Variants in PDE3A observed in about 807,000 individuals in gnomAD.
The protein encoded by PDE3A is cGMP-inhibited 3',5'-cyclic phosphodiesterase 3A.
PDE3A carries 43 observed loss-of-function variants against 98.3 expected under a neutral mutation model. The ratio of observed to expected loss-of-function variants is 0.44; its 90% confidence interval spans 0.34 to 0.56. PDE3A has a LOEUF of 0.56. Ranked by LOEUF, PDE3A falls within the 20% of genes least tolerant of loss-of-function variation. PDE3A has a pLI of 0.01. For synonymous variants in PDE3A, 663 were observed against 567.9 expected, an observed-to-expected ratio of 1.17 and a Z score of -2.38; for missense variants, 1,427 against 1,440.7, an observed-to-expected ratio of 0.99 and a Z score of 0.15.
intron 5 of PDE3A, among the ~76,000 whole-genome samples, chr12:20,628,260 T>G (rs1182446333): frequency 6.6e-6 from 1 of 152,216 alleles, no homozygotes; most frequent in African/African-American, 2.4e-5. Context: ...ACTGGGAAAT[T>G]CTGAGTTAAA....
chr12:20,383,688 G>A (rs1943698920), intron 1 of PDE3A, among the ~76,000 whole-genome samples: 1 of 151,936 alleles, frequency 6.6e-6, no homozygotes, highest in Non-Finnish European at 1.5e-5. Flanking sequence ...TCTGCCTGGA[G>A]TGGTCATCTC....
intron 5 of PDE3A, among the ~76,000 whole-genome samples, chr12:20,626,009 A>C (rs1944253400): frequency 6.6e-6 from 1 of 152,014 alleles, no homozygotes; most frequent in South Asian, 2.1e-4. Flanking sequence ...GTTTATCGGA[A>C]TCTCTTCACT....
chr12:20,479,040 C>A (rs1207146941), intron 1 of PDE3A, among the ~76,000 whole-genome samples: 1 of 152,128 alleles, frequency 6.6e-6, no homozygotes, highest in Non-Finnish European at 1.5e-5. Context: ...TATGGCCAGG[C>A]TTCTTATCTC....
chr12:20,509,066 T>C (rs1020364252), intron 1 of PDE3A, among the ~76,000 whole-genome samples: 1 of 152,060 alleles, frequency 6.6e-6, no homozygotes, highest in African/African-American at 2.4e-5. Flanking sequence ...GCCCTTCTTA[T>C]GCTGGATTTG....
At chr12:20,503,492 A>C (rs1011816768) in intron 1 of PDE3A, among the ~76,000 whole-genome samples, 1 of 152,084 alleles carries the variant, frequency 6.6e-6, no homozygotes, top group Non-Finnish European at 1.5e-5. Context: ...TTCTATCCAC[A>C]ATAGAAAAAT....
chr12:20,410,485 C>G (rs184235843), intron 1 of PDE3A, among the ~76,000 whole-genome samples: 22 of 152,286 alleles, frequency 1.4e-4, no homozygotes, highest in Admixed American at 1.2e-3. Context: ...TTTCATGATT[C>G]TTACTCTACT....
chr12:20,482,296 A>G (rs976597022), intron 1 of PDE3A, among the ~76,000 whole-genome samples: 4 of 152,084 alleles, frequency 2.6e-5, no homozygotes, highest in Admixed American at 6.5e-5. Flanking sequence ...TAGGAACACA[A>G]ATATTTTTGT....
chr12:20,436,762 G>C (rs10770659), intron 1 of PDE3A, among the ~76,000 whole-genome samples: 87,418 of 151,958 alleles, frequency 0.58, 27,231 homozygotes, highest in East Asian at 0.74. Context: ...GAGAGCAAGG[G>C]AGGCTTAAAT....
chr12:20,503,493 A>G (rs997764935), intron 1 of PDE3A, among the ~76,000 whole-genome samples: 6 of 152,112 alleles, frequency 3.9e-5, no homozygotes, highest in Non-Finnish European at 7.4e-5. Flanking sequence ...TCTATCCACA[A>G]TAGAAAAATT....
At chr12:20,375,362 T>C (rs1237407535) in intron 1 of PDE3A, among the ~76,000 whole-genome samples, 1 of 151,998 alleles carries the variant, frequency 6.6e-6, no homozygotes, top group Non-Finnish European at 1.5e-5. Context: ...GTTTGTTTTT[T>C]TAGTAAGGCT....
At chr12:20,520,654 A>G (rs922192079) in intron 1 of PDE3A, among the ~76,000 whole-genome samples, 4 of 152,214 alleles carry the variant, frequency 2.6e-5, no homozygotes, top group Admixed American at 2.0e-4. Flanking sequence ...AACAGATCAC[A>G]TTGCCAAATG....
intron 1 of PDE3A, among the ~76,000 whole-genome samples, chr12:20,422,472 G>A (rs1944535587): frequency 1.3e-5 from 2 of 152,106 alleles, no homozygotes; most frequent in South Asian, 4.1e-4. Flanking sequence ...ATATGAAGTT[G>A]AGGTCATATA....
At chr12:20,647,683 A>G (rs1358869069) in intron 12 of PDE3A, among the ~76,000 whole-genome samples, 2 of 152,046 alleles carry the variant, frequency 1.3e-5, no homozygotes, top group African/African-American at 4.8e-5. Flanking sequence ...TGCCTCTTCT[A>G]TCCCATTGCT....
chr12:20,411,931 A>G (rs1364839442), intron 1 of PDE3A, among the ~76,000 whole-genome samples: 1 of 132,106 alleles, frequency 7.6e-6, no homozygotes, highest in Non-Finnish European at 1.7e-5. Flanking sequence ...TTTCAATTTT[A>G]TAGTCATTTA....
chr12:20,428,750 A>G (rs1363369338), intron 1 of PDE3A, among the ~76,000 whole-genome samples: 1 of 152,232 alleles, frequency 6.6e-6, no homozygotes, highest in African/African-American at 2.4e-5. Flanking sequence ...CTGGTATAAT[A>G]GTTATGACAA....
At chr12:20,618,074 A>ACAT (rs752211410) in intron 4 of PDE3A, among the ~76,000 whole-genome samples, 14 of 152,096 alleles carry the variant, frequency 9.2e-5, no homozygotes, top group Non-Finnish European at 1.6e-4. Flanking sequence ...TCTTGTCTGG[A>ACAT]CATTCATTTT....
At chr12:20,650,696 A>G (rs1298746180) in intron 14 of PDE3A, 96 bp downstream of exon 14, 1 of 645,754 alleles carries the variant, frequency 1.5e-6, no homozygotes, top group Non-Finnish European at 2.5e-6. Context: ...TGATCACTCT[A>G]TTTTATATTC....
chr12:20,386,480 G>C (rs2120583092), intron 1 of PDE3A, among the ~76,000 whole-genome samples: 1 of 150,532 alleles, frequency 6.6e-6, no homozygotes, highest in East Asian at 2.0e-4. Flanking sequence ...AATGGGGTTG[G>C]GGTTGTTTGT....
At chr12:20,621,131 G>C (rs2121479929) in intron 4 of PDE3A, among the ~76,000 whole-genome samples, 165 bp from the exon 5 acceptor site, 1 of 152,136 alleles carries the variant, frequency 6.6e-6, no homozygotes. Context: ...TACATAATCT[G>C]TTTCATCATT....
Sources: gnomAD v4.1 joint callset for allele counts (sites outside exome capture counted in the v4.1 genomes callset) on GRCh38, gnomAD v4.1.1 for gene constraint, MANE v1.5 for transcripts, NCBI Gene and HGNC (gene_info 2026-07-23, HGNC 2026-07-21) for gene names.